Variants in NCAM1 observed in about 807,000 individuals in gnomAD.
The protein encoded by NCAM1 is neural cell adhesion molecule 1.
Under a neutral mutation model 109.8 loss-of-function variants are expected in NCAM1, and 14 were observed. That is an observed-to-expected ratio of 0.13 (90% CI 0.08 to 0.20). The LOEUF is 0.20. Ranked by LOEUF, NCAM1 falls within the 10% of genes least tolerant of loss-of-function variation. The pLI is 1.00. For synonymous variants in NCAM1, 418 were observed against 442.9 expected (o/e 0.94, Z 0.70); for missense variants, 774 against 1,109.9 (o/e 0.70, Z 4.30).
In NCAM1 at chr11:113,275,681, C is replaced by A; in HGVS notation, c.*294C>A. 4.2e-6 allele frequency: 1 copy of A among 238,512 alleles called. No homozygotes were observed. Among genetic ancestry groups the A allele is most frequent in the South Asian group, 1.0e-4 (1 of 9,864 alleles). 14.8% of individuals were successfully genotyped at this position (238,512 alleles called of 1,614,324 possible). On this transcript the variant is annotated 3_prime_UTR_variant, in exon 20 of 20. Transcript: ENST00000316851. ...AACTAGGACACTCCGTTCCCTGAAA[C>A]CGTTAAAAAATCAAACAAAAGGACC...
chr11:113,148,349 T>G (rs1334068995), intron 1 of NCAM1, among the ~76,000 whole-genome samples: 1 of 146,942 alleles, frequency 6.8e-6, no homozygotes, highest in Non-Finnish European at 1.5e-5. Context: ...ATTTTTTGTT[T>G]GTTTGCGGAG....
At chr11:113,055,715 C>A (rs577986016) in intron 1 of NCAM1, among the ~76,000 whole-genome samples, 1 of 151,666 alleles carries the variant, frequency 6.6e-6, no homozygotes, top group Non-Finnish European at 1.5e-5. Context: ...ATCAATGTAA[C>A]GCAGCAAAGG....
intron 1 of NCAM1, among the ~76,000 whole-genome samples, chr11:113,184,088 T>G (rs1943417696): frequency 1.3e-5 from 2 of 152,202 alleles, no homozygotes; most frequent in South Asian, 4.1e-4. Flanking sequence ...AATCACTGAA[T>G]GGCTTTTTCT....
In NCAM1 at chr11:113,273,782, G is replaced by T. The variant is rs926858763; in HGVS notation, c.2457-1485G>T. On this transcript the variant is annotated intron_variant, in intron 19 of 19. Coordinates refer to ENST00000316851, the MANE Select transcript of NCAM1 (RefSeq NM_181351.5). The surrounding 1 kb of genome is among the most constrained non-coding windows in gnomAD (Gnocchi z 6.0). ...TCTCTTTGTCTGCTGTCATCGGGTT[G>T]TGTCCTGTGGTGGTGTGCATTTGTG... 2 of 405,850 alleles carry T rather than the reference G, an allele frequency of 4.9e-6. No individual in the cohort carries two copies. Among genetic ancestry groups the T allele is most frequent in the African/African-American group, 2.1e-5 (1 of 48,690 alleles). 25.1% of individuals were successfully genotyped at this position (405,850 alleles called of 1,614,324 possible).
chr11:113,083,252 T>C (rs1385679538), intron 1 of NCAM1, among the ~76,000 whole-genome samples: 2 of 152,186 alleles, frequency 1.3e-5, no homozygotes, highest in Non-Finnish European at 1.5e-5. Context: ...ACATACACTA[T>C]CATCTCCTAC....
chr11:113,089,255 G>A (rs186107606), intron 1 of NCAM1, among the ~76,000 whole-genome samples: 21 of 152,216 alleles, frequency 1.4e-4, no homozygotes, highest in African/African-American at 4.1e-4. Flanking sequence ...GGAGGTTGCC[G>A]AGATCGCGCC....
At chr11:113,234,375 A>C (rs1274541899) in intron 13 of NCAM1, among the ~76,000 whole-genome samples, 1 of 151,846 alleles carries the variant, frequency 6.6e-6, no homozygotes, top group Non-Finnish European at 1.5e-5. Context: ...TGTAACCATC[A>C]CCACCATCCA....
chr11:113,195,864 T>C (rs782384583), intron 1 of NCAM1, among the ~76,000 whole-genome samples: 2 of 151,930 alleles, frequency 1.3e-5, no homozygotes, highest in African/African-American at 4.8e-5. Context: ...GCCCCTGTTA[T>C]CTCATTCTCA....
intron 1 of NCAM1, among the ~76,000 whole-genome samples, chr11:113,021,618 T>A (rs577878824): frequency 6.6e-6 from 1 of 152,238 alleles, no homozygotes; most frequent in Non-Finnish European, 1.5e-5. Context: ...ATACATTATA[T>A]CAATTAAAGC....
chr11:113,078,380 C>G (rs1448737764), intron 1 of NCAM1, among the ~76,000 whole-genome samples: 2 of 150,384 alleles, frequency 1.3e-5, no homozygotes, highest in East Asian at 3.9e-4. Context: ...TGCAAAGACC[C>G]TTTTGTTTTT....
At chr11:113,270,789 A>G (rs565065191) in intron 18 of NCAM1, among the ~76,000 whole-genome samples, 1 of 152,266 alleles carries the variant, frequency 6.6e-6, no homozygotes, top group East Asian at 1.9e-4. Flanking sequence ...CACTCAACAA[A>G]TATTTATCAA....
intron 1 of NCAM1, among the ~76,000 whole-genome samples, chr11:113,021,084 A>G (rs1230618377): frequency 2.0e-5 from 3 of 152,184 alleles, no homozygotes; most frequent in Non-Finnish European, 4.4e-5. Context: ...GGTGGCTCCT[A>G]CTAGTCAGCA....
At position 113,275,467 on chromosome 11, in the gene NCAM1, C is replaced by A; in HGVS notation, c.*80C>A. ...CAGAGCATTTCCAACACCACAGACA[C>A]ACACACGCACGCACACACACAAACA... On this transcript the variant is annotated 3_prime_UTR_variant, in exon 20 of 20. Coordinates refer to ENST00000316851, the MANE Select transcript of NCAM1 (RefSeq NM_181351.5). 4 of 1,513,164 alleles carry A rather than the reference C, an allele frequency of 2.6e-6. No individual in the cohort carries two copies. Among genetic ancestry groups the A allele is most frequent in the Non-Finnish European group, 3.6e-6 (4 of 1,112,926 alleles). 93.7% of individuals were successfully genotyped at this position (1,513,164 alleles called of 1,614,324 possible).
At chr11:113,158,360 G>GA (rs1210087390) in intron 1 of NCAM1, among the ~76,000 whole-genome samples, 5 of 152,130 alleles carry the variant, frequency 3.3e-5, no homozygotes, top group Non-Finnish European at 4.4e-5. Flanking sequence ...GTTATTTCAT[G>GA]AAAAAATGTG....
intron 1 of NCAM1, among the ~76,000 whole-genome samples, chr11:112,964,111 T>A (rs1228780662): frequency 6.7e-6 from 1 of 149,844 alleles, no homozygotes; most frequent in Non-Finnish European, 1.5e-5. Context: ...TATATATACA[T>A]ATGTATATAT....
At chr11:112,981,024 C>T (rs1416149488) in intron 1 of NCAM1, among the ~76,000 whole-genome samples, 1 of 151,590 alleles carries the variant, frequency 6.6e-6, no homozygotes, top group African/African-American at 2.4e-5. Flanking sequence ...GAAAATTTTC[C>T]CTTTTATTCT....
At chr11:112,968,062 T>TC (rs782327664) in intron 1 of NCAM1, among the ~76,000 whole-genome samples, 1 of 152,220 alleles carries the variant, frequency 6.6e-6, no homozygotes, top group Non-Finnish European at 1.5e-5. Context: ...TTAGCAACTA[T>TC]CCTTTGGTCC....
At chr11:112,979,308 A>G (rs1951089758) in intron 1 of NCAM1, among the ~76,000 whole-genome samples, 1 of 151,802 alleles carries the variant, frequency 6.6e-6, no homozygotes, top group African/African-American at 2.4e-5. Context: ...ATTTTTTTCC[A>G]AAATATTACT....
At chr11:113,106,816 C>T (rs186979291) in intron 1 of NCAM1, among the ~76,000 whole-genome samples, 1 of 152,220 alleles carries the variant, frequency 6.6e-6, no homozygotes, top group East Asian at 1.9e-4. Flanking sequence ...ACTGATAATA[C>T]CAAGTCAGTA....
Sources: allele counts gnomAD v4.1 joint callset (sites outside exome capture counted in the v4.1 genomes callset), GRCh38; gene constraint gnomAD v4.1.1; non-coding constraint Gnocchi (gnomAD v3.1); transcripts MANE v1.5; gene names NCBI Gene and HGNC (gene_info 2026-07-23, HGNC 2026-07-21).